The following PLCB1 variants were observed in gnomAD, a reference collection of about 807,000 sequenced individuals.
The protein encoded by PLCB1 is phospholipase C beta 1.
In PLCB1, 46 loss-of-function variants were observed where a neutral mutation model predicts 161.8. The ratio of observed to expected loss-of-function variants is 0.28; its 90% CI spans 0.22 to 0.36. The LOEUF (loss-of-function observed/expected upper bound fraction) is 0.36. Among genes scored for constraint, PLCB1 ranks in the 10% least tolerant of loss-of-function variants. PLCB1 has a pLI of 1.00. For synonymous variants in PLCB1, 517 were observed against 503.7 expected (o/e 1.03, Z -0.35); for missense variants, 1,016 against 1,472.5 (o/e 0.69, Z 5.07).
At chr20:8,180,052 G>C (rs1044958886) in intron 2 of PLCB1, among the ~76,000 whole-genome samples, 6 of 151,602 alleles carry the variant, frequency 4.0e-5, no homozygotes, top group Admixed American at 6.6e-5. Context: ...TGGAGATGGG[G>C]TTTCACCGTT....
At chr20:8,627,115 G>A (rs1036391105) in intron 3 of PLCB1, among the ~76,000 whole-genome samples, 2 of 148,278 alleles carry the variant, frequency 1.3e-5, no homozygotes, top group African/African-American at 5.0e-5. Flanking sequence ...GTTATATTAG[G>A]CAGAGCTTTG....
At chr20:8,551,626 T>C (rs1030236243) in intron 3 of PLCB1, among the ~76,000 whole-genome samples, 5 of 152,078 alleles carry the variant, frequency 3.3e-5, no homozygotes, top group Admixed American at 6.6e-5. Flanking sequence ...CAAACCATGA[T>C]CTATGGGAGC....
At chr20:8,477,520 G>T (rs1982331225) in intron 3 of PLCB1, among the ~76,000 whole-genome samples, 1 of 152,138 alleles carries the variant, frequency 6.6e-6, no homozygotes, top group African/African-American at 2.4e-5. Flanking sequence ...TTGCTTTGTT[G>T]TAAAAGAATA....
intron 2 of PLCB1, among the ~76,000 whole-genome samples, chr20:8,266,603 T>C (rs932020817): frequency 1.3e-5 from 2 of 152,172 alleles, no homozygotes; most frequent in Admixed American, 6.5e-5. Flanking sequence ...ATTGGGGTGC[T>C]AATGAAACCA....
intron 2 of PLCB1, among the ~76,000 whole-genome samples, chr20:8,322,720 G>C (rs575555799): frequency 6.6e-6 from 1 of 152,236 alleles, no homozygotes; most frequent in South Asian, 2.1e-4. Context: ...GAAAGTGAAA[G>C]AATGCAGAAA....
rs1280328866 is a variant in PLCB1, at chr20:8,831,954, C to CT, written c.3423+41696dup. The stretch of plus-strand genomic sequence containing the variant: ...TCTTTCTTTCTTTCTTTCTTTCTTT[C>CT]TTTCTTTCTTTCTTTCTTTCTTTCT... On this transcript the variant is annotated intron_variant, in intron 31 of 31. Coordinates refer to ENST00000338037, the MANE Select transcript of PLCB1 (RefSeq NM_015192.4). Among the ~76,000 whole-genome samples the CT allele has an allele frequency of 9.7e-5, 9 of 92,628 alleles. 1 individual carries two copies. Among genetic ancestry groups the CT allele is most frequent in the African/African-American group, 3.3e-4 (9 of 27,490 alleles). 60.8% of individuals were successfully genotyped at this position (92,628 alleles called of 152,430 possible).
chr20:8,210,267 A>C (rs1568591311), intron 2 of PLCB1, among the ~76,000 whole-genome samples: 1 of 152,120 alleles, frequency 6.6e-6, no homozygotes, highest in Non-Finnish European at 1.5e-5. Flanking sequence ...ATAAATGTAC[A>C]TGCTGAAAAT....
chr20:8,255,219 T>C (rs1366817020), intron 2 of PLCB1, among the ~76,000 whole-genome samples: 1 of 152,078 alleles, frequency 6.6e-6, no homozygotes, highest in Non-Finnish European at 1.5e-5. Context: ...TTTACAAAAA[T>C]GAACAGTGCA....
At chr20:8,423,019 A>G (rs564075710) in intron 3 of PLCB1, among the ~76,000 whole-genome samples, 1 of 152,380 alleles carries the variant, frequency 6.6e-6, no homozygotes, top group South Asian at 2.1e-4. Context: ...AGCAAACACT[A>G]TATACATATT....
At chr20:8,350,909 G>T (rs1040062712) in intron 2 of PLCB1, among the ~76,000 whole-genome samples, 4 of 152,146 alleles carry the variant, frequency 2.6e-5, no homozygotes, top group Non-Finnish European at 5.9e-5. Context: ...ATTTAACATT[G>T]TAAAGATATT....
chr20:8,679,302 G>A (rs2123383107), intron 9 of PLCB1, among the ~76,000 whole-genome samples: 1 of 152,334 alleles, frequency 6.6e-6, no homozygotes, highest in East Asian at 1.9e-4. Flanking sequence ...CCGAACCTGA[G>A]AAGATGAGAG....
At chr20:8,499,948 C>T (rs1054961357) in intron 3 of PLCB1, among the ~76,000 whole-genome samples, 3 of 152,248 alleles carry the variant, frequency 2.0e-5, no homozygotes, top group Admixed American at 1.3e-4. Context: ...ACAAGTCAGT[C>T]TTTCTACTTT....
chr20:8,345,019 C>T (rs1985950760), intron 2 of PLCB1, among the ~76,000 whole-genome samples: 1 of 152,176 alleles, frequency 6.6e-6, no homozygotes, highest in Non-Finnish European at 1.5e-5. Flanking sequence ...CTACTCTAAC[C>T]AACTGGCAAT....
rs532204517 is a variant in PLCB1, at chr20:8,390,096, C to T, written c.246+18646C>T. Among the ~76,000 whole-genome samples the T allele has an allele frequency of 9.8e-5, 15 of 152,308 alleles. No individual in the cohort carries two copies. The South Asian group carries it at 1.7e-3, about 17-fold the overall frequency. ...ATACTTAATGTAGAGAAGTACACCA[C>T]GGTACTTGTATCAGTCTTCTCTGGT... On this transcript the variant is annotated intron_variant, in intron 3 of 31. Coordinates refer to ENST00000338037, the MANE Select transcript of PLCB1 (RefSeq NM_015192.4).
chr20:8,545,557 T>C (rs1985506234), intron 3 of PLCB1, among the ~76,000 whole-genome samples: 2 of 152,132 alleles, frequency 1.3e-5, no homozygotes, highest in South Asian at 4.1e-4. Context: ...AATGAGGATT[T>C]CAACTAGTGT....
chr20:8,787,425 C>T (rs1217677587), intron 27 of PLCB1, among the ~76,000 whole-genome samples: 1 of 152,190 alleles, frequency 6.6e-6, no homozygotes, highest in Non-Finnish European at 1.5e-5. Flanking sequence ...TTTGTCTTGT[C>T]ACTATTACAG....
chr20:8,741,611 A>G, intron 23 of PLCB1, 38 bp downstream of exon 23: 1 of 1,329,466 alleles, frequency 7.5e-7, no homozygotes, highest in Non-Finnish European at 1.1e-6. Context: ...AGCATTAAGC[A>G]TGATCACCAC....
chr20:8,781,530 A>G (rs1482164505), intron 27 of PLCB1, among the ~76,000 whole-genome samples: 1 of 151,964 alleles, frequency 6.6e-6, no homozygotes, highest in Non-Finnish European at 1.5e-5. Context: ...ATGCTTTTTA[A>G]CGCTTTTTCA....
chr20:8,856,129 C>T (rs1023364025), intron 31 of PLCB1, among the ~76,000 whole-genome samples: 2 of 133,212 alleles, frequency 1.5e-5, no homozygotes, highest in Admixed American at 7.4e-5. Flanking sequence ...GAAACGTGTG[C>T]ATGTATATAT....
Sources: gnomAD v4.1 joint callset for allele counts (sites outside exome capture counted in the v4.1 genomes callset) on GRCh38, gnomAD v4.1.1 for gene constraint, MANE v1.5 for transcripts, NCBI Gene and HGNC (gene_info 2026-07-23, HGNC 2026-07-21) for gene names.